CD163L1: variants seen among roughly 807,000 people sequenced by gnomAD.
CD163L1 encodes CD163 molecule like 1, also known as scavenger receptor cysteine-rich type 1 protein M160.
In CD163L1, 124 loss-of-function variants were observed where a neutral mutation model predicts 165.4. That is an observed-to-expected ratio of 0.75 (90% CI 0.65 to 0.87). The LOEUF (loss-of-function observed/expected upper bound fraction) is 0.87, where lower values mean the gene tolerates loss of function less well. CD163L1 is among the 40% of genes least tolerant of loss of function. The pLI, the probability that CD163L1 is intolerant of heterozygous loss-of-function variation, is 0.00. For synonymous variants in CD163L1, 585 were observed against 662.2 expected (o/e 0.88, Z 1.79); for missense variants, 1,525 against 1,799.9 (o/e 0.85, Z 2.76).
the CD163L1 span, among the ~76,000 whole-genome samples, chr12:7,331,527 AC>A: frequency 6.6e-6 from 1 of 151,958 alleles, no homozygotes; most frequent in Non-Finnish European, 1.5e-5. Flanking sequence ...ACTGGGAGGC[AC>A]CCCCCAGTAG....
chr12:7,421,041 A>ATATATACGTATATACG (rs1948347966), intron 4 of CD163L1, among the ~76,000 whole-genome samples: 1 of 108,620 alleles, frequency 9.2e-6, no homozygotes, highest in African/African-American at 4.7e-5. Context: ...ATATACGTGT[A>ATATATACGTATATACG]TATATATGTA....
rs1947901914 is a variant in CD163L1 at position 7,400,794 on chromosome 12, AAT to A, written c.1409-2212_1409-2211del. Among the ~76,000 whole-genome samples, 1 of 152,224 alleles carries A rather than the reference AAT, an allele frequency of 6.6e-6. No individual in the cohort carries two copies. The highest frequency in any genetic ancestry group is 1.5e-5 in the Non-Finnish European group (1 of 68,042). ...TTATGAAAAATAAGAATACTTAGGC[AAT>A]ATATATCTCAGTAGGTATTAGCCTA... is the stretch of plus-strand genomic sequence containing the variant. On this transcript the variant is annotated intron_variant, in intron 6 of 19. Coordinates refer to ENST00000313599, the MANE Select transcript of CD163L1 (RefSeq NM_174941.6). The surrounding 1 kb of genome is among the most constrained non-coding windows in gnomAD (Gnocchi z 4.1).
rs185509127 is a variant in CD163L1, at chr12:7,359,151, A to G, written c.4280-1665T>C. Among the ~76,000 whole-genome samples the G allele has an allele frequency of 5.5e-4, 83 of 152,268 alleles. No individual in the cohort carries two copies. The Middle Eastern group carries it at 0.01, about 19-fold the overall frequency. ...TACAATAGGAATGCTAGAAGGAGAA[A>G]AAGGTGAGAAACAAGCAGAAAAATA... On this transcript the variant is annotated intron_variant, in intron 18 of 19. Transcript: ENST00000313599.
chr12:7,341,077 C>T, the CD163L1 span, among the ~76,000 whole-genome samples: 1 of 152,150 alleles, frequency 6.6e-6, no homozygotes, highest in Non-Finnish European at 1.5e-5. Context: ...CATTTTCCTA[C>T]CTTATGGTGA....
rs772872231 is a variant in CD163L1, at chr12:7,403,587, T to TC, written c.1355dup (p.Ala454SerfsTer17). On this transcript the variant is annotated frameshift_variant, in exon 6 of 20. Coordinates refer to ENST00000313599, the MANE Select transcript of CD163L1 (RefSeq NM_174941.6). LOFTEE classifies it high-confidence loss of function. Reference sequence around the variant, plus strand: ...TTCGGAAGCATGTTCGCTTTGCTTTTCCATCATATGTGCAGTCCCAGAGAG... The same window carrying TC: ...TTCGGAAGCATGTTCGCTTTGCTTTTCCCATCATATGTGCAGTCCCAGAGAG... The TC allele has an allele frequency of 6.2e-7, 1 of 1,613,964 alleles. No homozygotes were observed. Among genetic ancestry groups the TC allele is most frequent in the Non-Finnish European group, 8.5e-7 (1 of 1,179,936 alleles).
intron 2 of CD163L1, 129 bp downstream of exon 2, chr12:7,441,025 T>G: frequency 1.5e-6 from 1 of 674,556 alleles, no homozygotes; most frequent in Non-Finnish European, 2.7e-6. Context: ...TTACAGGGTA[T>G]AGCTATTGAA....
chr12:7,389,960 T>TATATATATATATATA (rs1555197839), intron 8 of CD163L1, among the ~76,000 whole-genome samples: 1 of 135,962 alleles, frequency 7.4e-6, no homozygotes, highest in African/African-American at 2.8e-5. Context: ...ATATATATAT[T>TATATATATATATATA]TATATATATA....
At chr12:7,421,691 A>G (rs936949160) in intron 4 of CD163L1, among the ~76,000 whole-genome samples, 6 of 141,994 alleles carry the variant, frequency 4.2e-5, no homozygotes, top group African/African-American at 8.0e-5. Flanking sequence ...GTACATATAC[A>G]TATATGTATG....
downstream of CD163L1, among the ~76,000 whole-genome samples, chr12:7,346,485 CTCTG>C (rs1946671093): frequency 4.0e-5 from 6 of 151,316 alleles, no homozygotes; most frequent in South Asian, 1.2e-3. Flanking sequence ...TCTTTTTTTT[CTCTG>C]TCTGCCCAAT....
At chr12:7,443,632 A>G (rs944993017) in intron 1 of CD163L1, among the ~76,000 whole-genome samples, 2 of 152,198 alleles carry the variant, frequency 1.3e-5, no homozygotes, top group African/African-American at 4.8e-5. Flanking sequence ...TACACTTGAG[A>G]TTCTACTACA....
intron 4 of CD163L1, among the ~76,000 whole-genome samples, chr12:7,412,867 C>T (rs549111351): frequency 1.3e-4 from 19 of 151,898 alleles, no homozygotes; most frequent in Admixed American, 3.9e-4. Flanking sequence ...GAGGCCGAGG[C>T]GGGTAGATCA....
chr12:7,330,804 G>A, the CD163L1 span, among the ~76,000 whole-genome samples: 3 of 152,230 alleles, frequency 2.0e-5, no homozygotes, highest in Non-Finnish European at 4.4e-5. Flanking sequence ...CTGGCAAGGT[G>A]GCAGGTCAGT....
chr12:7,339,018 G>C, the CD163L1 span, among the ~76,000 whole-genome samples: 10 of 152,256 alleles, frequency 6.6e-5, no homozygotes, highest in East Asian at 1.9e-3. Flanking sequence ...AGAAATGTAA[G>C]TGTCATGGTG....
downstream of CD163L1, among the ~76,000 whole-genome samples, chr12:7,350,338 C>T (rs1438075311): frequency 3.9e-5 from 6 of 152,142 alleles, no homozygotes; most frequent in African/African-American, 1.2e-4. Context: ...CTGTGAATCC[C>T]AGGAAACAAT....
downstream of CD163L1, among the ~76,000 whole-genome samples, chr12:7,354,066 C>T (rs1946730379): frequency 6.6e-6 from 1 of 152,030 alleles, no homozygotes; most frequent in Admixed American, 6.6e-5. Context: ...ACTAATTATC[C>T]TTTCTTACCA....
chr12:7,397,993 T>C (rs1237969185), intron 7 of CD163L1, among the ~76,000 whole-genome samples: 1 of 152,172 alleles, frequency 6.6e-6, no homozygotes, highest in Non-Finnish European at 1.5e-5. Context: ...AAAGGTGGCC[T>C]ACACTTAATG....
chr12:7,410,474 T>C (rs995956023), intron 4 of CD163L1, among the ~76,000 whole-genome samples: 2 of 151,698 alleles, frequency 1.3e-5, no homozygotes, highest in African/African-American at 4.8e-5. Context: ...GGCATGGTGG[T>C]GTGCACCTAA....
At position 7,432,458 on chromosome 12, in the gene CD163L1, G is replaced by A; in HGVS notation, c.724C>T (p.His242Tyr). ...ACATCCTCATTGTGACTGCAGTCAT[G>A]ATTTCCCCATCCACGATGTCTGCAA... ...WNCRHRGWGNHDCSHNEDVTL... is the reference protein window; with the variant it reads ...WNCRHRGWGNYDCSHNEDVTL... Residue 242 changes from histidine (H) to tyrosine (Y), a missense_variant, in exon 4 of 20, where the codon CAT becomes TAT. His to Tyr is a moderately conservative substitution (Grantham distance 83). Coordinates refer to ENST00000313599, the MANE Select transcript of CD163L1 (RefSeq NM_174941.6). This position sits in a 1 kb window ranked among gnomAD's most constrained non-coding sequence, Gnocchi z 4.2. 1.2e-6 allele frequency: 2 copies of A among 1,613,952 alleles called. No homozygotes were observed. Among genetic ancestry groups the A allele is most frequent in the South Asian group, 1.1e-5 (1 of 91,056 alleles).
At chr12:7,421,075 GTATA>G (rs746190227) in intron 4 of CD163L1, among the ~76,000 whole-genome samples, 16 of 86,462 alleles carry the variant, frequency 1.9e-4, no homozygotes, top group African/African-American at 5.8e-4. Context: ...GTATATATAC[GTATA>G]TATATACGTA....
Sources: allele counts gnomAD v4.1 joint callset (sites outside exome capture counted in the v4.1 genomes callset), GRCh38; gene constraint gnomAD v4.1.1; non-coding constraint Gnocchi (gnomAD v3.1); transcripts MANE v1.5; gene names NCBI Gene and HGNC (gene_info 2026-07-23, HGNC 2026-07-21).